Variants in SUGCT observed in about 807,000 individuals in gnomAD.
SUGCT encodes succinyl-CoA:glutarate-CoA transferase.
A neutral mutation model predicts 55.0 loss-of-function variants in SUGCT; 41 were observed. The ratio of observed to expected loss-of-function variants is 0.74; its 90% CI spans 0.58 to 0.97. The LOEUF is 0.97. SUGCT is among the 50% of genes least tolerant of loss of function. The probability of loss-of-function intolerance (pLI) is 0.00; values close to 1 mark genes in which losing one functional copy is unlikely to be tolerated. For synonymous variants in SUGCT, 187 were observed against 200.4 expected (o/e 0.93, Z 0.56); for missense variants, 568 against 547.8 (o/e 1.04, Z -0.37).
At chr7:40,568,595 A>G (rs897663375) in intron 12 of SUGCT, among the ~76,000 whole-genome samples, 1 of 152,200 alleles carries the variant, frequency 6.6e-6, no homozygotes, top group African/African-American at 2.4e-5. Context: ...TGGTGGTGAC[A>G]TGGCCTGTGG....
the SUGCT span, among the ~76,000 whole-genome samples, chr7:40,954,106 C>A: frequency 3.4e-5 from 5 of 145,866 alleles, no homozygotes; most frequent in Admixed American, 6.8e-5. Context: ...CCACCCAGTT[C>A]GAGCTTCCTG....
chr7:40,565,775 A>C (rs1017732456), intron 12 of SUGCT, among the ~76,000 whole-genome samples: 20 of 152,278 alleles, frequency 1.3e-4, no homozygotes, highest in African/African-American at 4.6e-4. Flanking sequence ...TAGCACACTA[A>C]GCAAGCTCAC....
chr7:40,613,875 G>A (rs57792814), intron 12 of SUGCT, among the ~76,000 whole-genome samples: 2,098 of 152,306 alleles, frequency 0.014, 37 homozygotes, highest in African/African-American at 0.048. Flanking sequence ...CCGAAGTGCT[G>A]TGATTACAGG....
At chr7:40,414,229 T>A (rs1465634548) in intron 9 of SUGCT, among the ~76,000 whole-genome samples, 1 of 152,210 alleles carries the variant, frequency 6.6e-6, no homozygotes, top group Non-Finnish European at 1.5e-5. Flanking sequence ...GTGGTCTGAA[T>A]ATACTAAATG....
At chr7:40,135,205 G>C (rs972823196) in intron 1 of SUGCT, 85 bp downstream of exon 1, 219 of 1,423,924 alleles carry the variant, frequency 1.5e-4, no homozygotes, top group Non-Finnish European at 2.0e-4. Context: ...AGCAATTAGG[G>C]TCTGAAGTCT....
intron 6 of SUGCT, among the ~76,000 whole-genome samples, chr7:40,219,896 G>A (rs1787928829): frequency 6.6e-6 from 1 of 151,902 alleles, no homozygotes; most frequent in South Asian, 2.1e-4. Flanking sequence ...CTTATAACAA[G>A]TGTCAATTAA....
At chr7:40,575,718 G>C (rs1022684256) in intron 12 of SUGCT, among the ~76,000 whole-genome samples, 2 of 152,136 alleles carry the variant, frequency 1.3e-5, no homozygotes, top group Admixed American at 1.3e-4. Flanking sequence ...GGCTGAGGCG[G>C]GTGAATCACC....
At chr7:40,914,650 A>G in the SUGCT span, among the ~76,000 whole-genome samples, 1 of 152,220 alleles carries the variant, frequency 6.6e-6, no homozygotes, top group Non-Finnish European at 1.5e-5. Context: ...GAGAACCCCT[A>G]TTCACAGCTT....
chr7:40,223,948 T>G (rs1033295279), intron 6 of SUGCT, among the ~76,000 whole-genome samples: 4 of 152,218 alleles, frequency 2.6e-5, no homozygotes, highest in Non-Finnish European at 4.4e-5. Flanking sequence ...ATTTCTGTGT[T>G]CTTTGCCTAA....
intron 7 of SUGCT, among the ~76,000 whole-genome samples, chr7:40,238,516 G>C (rs1405752062): frequency 6.6e-6 from 1 of 152,074 alleles, no homozygotes; most frequent in Non-Finnish European, 1.5e-5. Flanking sequence ...TAAAAAACTT[G>C]TTTCAGTGGG....
chr7:40,738,087 C>G (rs1787270938), intron 12 of SUGCT, among the ~76,000 whole-genome samples: 1 of 151,122 alleles, frequency 6.6e-6, no homozygotes, highest in African/African-American at 2.4e-5. Context: ...ATCCCAGCTA[C>G]TCAGGAGGCT....
At chr7:40,939,621 C>A in the SUGCT span, among the ~76,000 whole-genome samples, 1 of 152,058 alleles carries the variant, frequency 6.6e-6, no homozygotes, top group South Asian at 2.1e-4. Flanking sequence ...TTTTAATTTG[C>A]ATGTCCCTGA....
intron 12 of SUGCT, among the ~76,000 whole-genome samples, chr7:40,615,627 T>C (rs1584133114): frequency 1.3e-5 from 2 of 152,148 alleles, no homozygotes; most frequent in African/African-American, 4.8e-5. Context: ...AGTGGAGAAG[T>C]TGGGCAGAAT....
At chr7:40,152,303 A>T (rs1046636377) in intron 1 of SUGCT, 1 of 152,246 alleles carries the variant, frequency 6.6e-6, no homozygotes, top group African/African-American at 2.4e-5. Context: ...AAGATAGTTC[A>T]GCCTATGCCC....
intron 12 of SUGCT, among the ~76,000 whole-genome samples, chr7:40,576,468 C>T (rs183687170): frequency 9.2e-5 from 14 of 152,302 alleles, no homozygotes; most frequent in East Asian, 7.7e-4. Context: ...CTCTCCCATG[C>T]GTTGAGAGCA....
chr7:40,249,313 CTATA>C (rs57348487), intron 7 of SUGCT, among the ~76,000 whole-genome samples: 3,329 of 79,388 alleles, frequency 0.042, 156 homozygotes, highest in African/African-American at 0.08. Flanking sequence ...CACCAAAAAG[CTATA>C]TATATATATA....
the SUGCT span, among the ~76,000 whole-genome samples, chr7:40,977,804 T>C: frequency 0.014 from 2,130 of 152,306 alleles, 58 homozygotes; most frequent in African/African-American, 0.048. Context: ...AAGTGACTAG[T>C]AAATCCCTAC....
intron 11 of SUGCT, among the ~76,000 whole-genome samples, chr7:40,482,748 AAC>A (rs1196670587): frequency 2.0e-5 from 3 of 152,218 alleles, no homozygotes; most frequent in Non-Finnish European, 4.4e-5. Flanking sequence ...CTTTACAAAA[AAC>A]AGTTTACGTC....
intron 9 of SUGCT, among the ~76,000 whole-genome samples, chr7:40,421,004 C>T (rs888735338): frequency 6.6e-6 from 1 of 152,028 alleles, no homozygotes; most frequent in East Asian, 1.9e-4. Flanking sequence ...ATATTTCCCT[C>T]GACCTACCCT....
Sources: gnomAD v4.1 joint callset for allele counts (sites outside exome capture counted in the v4.1 genomes callset) on GRCh38, gnomAD v4.1.1 for gene constraint, MANE v1.5 for transcripts, NCBI Gene and HGNC (gene_info 2026-07-23, HGNC 2026-07-21) for gene names.